PLCB3: variants seen among roughly 807,000 people sequenced by gnomAD.
The protein encoded by PLCB3 is phospholipase C beta 3.
Under a neutral mutation model 152.1 loss-of-function variants are expected in PLCB3, and 54 were observed. That is an observed-to-expected ratio of 0.36 (90% CI 0.29 to 0.45). The LOEUF is 0.45. Among genes scored for constraint, PLCB3 ranks in the 20% least tolerant of loss-of-function variants. The pLI is 1.00. For synonymous variants in PLCB3, 717 were observed against 698.7 expected, an observed-to-expected ratio of 1.03 and a Z score of -0.41; for missense variants, 1,248 against 1,687.5, an observed-to-expected ratio of 0.74 and a Z score of 4.56.
rs2031648497 is a variant in PLCB3 at position 64,258,320 on chromosome 11, C to CAGGGG, written c.1013-151_1013-150insGGGAG. Among the ~76,000 whole-genome samples, 2 of 152,110 alleles carry CAGGGG rather than the reference C, an allele frequency of 1.3e-5. No individual in the cohort carries two copies. On this transcript the variant is annotated intron_variant, in intron 10 of 30. Coordinates refer to ENST00000279230, the MANE Select transcript of PLCB3 (RefSeq NM_000932.5). This position sits in a 1 kb window ranked among gnomAD's most constrained non-coding sequence, Gnocchi z 7.2. ...AGTGAGTCTCAGGGATGACTCCCCCCAGCTCACGCTGGTGGGATGGACAGG... is the reference window on the plus strand; with the variant it reads ...AGTGAGTCTCAGGGATGACTCCCCCCAGGGGAGCTCACGCTGGTGGGATGGACAGG...
Position 64,260,225 on chromosome 11 carries a change from T to C in PLCB3, c.1722T>C (p.Thr574=). 2 of 1,562,142 alleles carry C rather than the reference T, an allele frequency of 1.3e-6. No individual in the cohort carries two copies. The highest frequency in any genetic ancestry group is 1.4e-5 in the African/African-American group (1 of 73,504). ...AACAGACAGACCCCAAAAAGCCAAC[T>C]ACAGATGAGGTCAGGCCCACAGGGT... is the stretch of plus-strand genomic sequence containing the variant. ...EEEQTDPKKP[T]TDEGTASSEV... The change falls in exon 14 of 31, where the codon ACT becomes ACC. Residue 574 remains threonine (T), a synonymous_variant. Coordinates refer to ENST00000279230, the MANE Select transcript of PLCB3 (RefSeq NM_000932.5).
chr11:64,263,673 G>A lies in PLCB3; in HGVS notation c.2456-18G>A, dbSNP rs777638252. The stretch of plus-strand genomic sequence containing the variant: ...CCACCTGGCCCAGCAACCCAACGTT[G>A]CCTTCCTGACCACCCAGGATACCAC... On this transcript the variant is annotated intron_variant, in intron 20 of 30. Transcript: ENST00000279230. 5 of 1,611,756 alleles carry A rather than the reference G, an allele frequency of 3.1e-6. No homozygotes were observed. In the South Asian group the frequency reaches 4.4e-5, roughly 14 times the overall value.
In PLCB3 at chr11:64,266,822, CAG is replaced by C. The variant is rs2032146318; in HGVS notation, c.3414+273_3414+274del. Among the ~76,000 whole-genome samples the C allele has an allele frequency of 6.6e-6, 1 of 151,598 alleles. No homozygotes were observed. The highest frequency in any genetic ancestry group is 2.4e-5 in the African/African-American group (1 of 41,230). On this transcript the variant is annotated intron_variant, in intron 29 of 30. Transcript: ENST00000279230. This position sits in a 1 kb window ranked among gnomAD's most constrained non-coding sequence, Gnocchi z 4.9. ...CCACCTGACTTCTTTTTCTTTGAGACAGAGTCTCACTCTGTCGCCCAGGCTGG... is the reference window on the plus strand; with the variant it reads ...CCACCTGACTTCTTTTTCTTTGAGACAGTCTCACTCTGTCGCCCAGGCTGG...
Position 64,267,590 on chromosome 11 carries a change from G to GCCCT in PLCB3, c.*34_*35insCCCT. On this transcript the variant is annotated 3_prime_UTR_variant, in exon 31 of 31. Transcript: ENST00000279230. The surrounding 1 kb of genome is among the most constrained non-coding windows in gnomAD (Gnocchi z 5.2). The stretch of plus-strand genomic sequence containing the variant: ...AGCGAGGTGGCCACAGGGCCAGGGC[G>GCCCT]GGCGCTGGGTGGAGGGCAGGAGGCA... 6.7e-7 allele frequency: 1 copy of GCCCT among 1,498,322 alleles called. No homozygotes were observed. The highest frequency in any genetic ancestry group is 9.0e-7 in the Non-Finnish European group (1 of 1,110,176). 92.8% of individuals were successfully genotyped at this position (1,498,322 alleles called of 1,614,324 possible). A position where few individuals can be genotyped will look rare whatever the true frequency, so the allele number is the denominator to read the frequency against.
At chr11:64,257,745 A>G (rs1242488933) in intron 10 of PLCB3, among the ~76,000 whole-genome samples, 3 of 152,124 alleles carry the variant, frequency 2.0e-5, no homozygotes, top group Non-Finnish European at 4.4e-5. Context: ...AGGGGCCTAG[A>G]GGCACTTGGA....
chr11:64,255,215 G>T lies in PLCB3; in HGVS notation c.388-19G>T, dbSNP rs111998921. 6.2e-6 allele frequency: 10 copies of T among 1,604,800 alleles called. No homozygotes were observed. The highest frequency in any genetic ancestry group is 8.5e-6 in the Non-Finnish European group (10 of 1,172,456). On this transcript the variant is annotated intron_variant, in intron 4 of 30. Transcript: ENST00000279230. The surrounding 1 kb of genome is among the most constrained non-coding windows in gnomAD (Gnocchi z 6.8). ...TGTGTCCCCCACTCACCGCCTCCCC[G>T]TGTATACTGGCCCCCCAGGTCTGGT... is the stretch of plus-strand genomic sequence containing the variant.
rs28395882 is a variant in PLCB3 at position 64,259,213 on chromosome 11, C to T, written c.1494C>T (p.Ser498=). 449,376 of 1,561,828 alleles carry T rather than the reference C, an allele frequency of 0.29. 69,154 individuals are homozygous for T. Among genetic ancestry groups the T allele is most frequent in the Middle Eastern group, 0.32 (1,589 of 5,010 alleles). ...EQSNSALSES[S]AATEPSSPQL... Reference sequence around the variant, plus strand: ...GCAATTCTGCCCTGAGCGAGAGCTCCGCGGCCACCGAGCCCTCCTCCCCGC... The same window carrying T: ...GCAATTCTGCCCTGAGCGAGAGCTCTGCGGCCACCGAGCCCTCCTCCCCGC... The change falls in exon 13 of 31, where the codon TCC becomes TCT. Residue 498 remains serine, a synonymous_variant. Transcript: ENST00000279230.
chr11:64,264,276 G>T (rs1235110895), intron 22 of PLCB3, among the ~76,000 whole-genome samples, 164 bp downstream of exon 22: 1 of 152,204 alleles, frequency 6.6e-6, no homozygotes, highest in East Asian at 1.9e-4. Flanking sequence ...CATTCAGGAG[G>T]CCTTCAGGTC....
In PLCB3 at chr11:64,265,078, C is replaced by T. The variant is rs774500063; in HGVS notation, c.2780C>T (p.Pro927Leu). ...PRRPPGPTTS[P>L]ASTSLSSPGQ... ...CGGCCCCCTGGCCCCACCACCTCCC[C>T]TGCCAGCACCTCCCTCAGCAGCCCA... is the stretch of plus-strand genomic sequence containing the variant. Residue 927 changes from proline (P) to leucine (L), a missense_variant, in exon 23 of 31, where the codon CCT (proline) becomes CTT (leucine). Pro to Leu is a moderately conservative substitution (Grantham distance 98, BLOSUM62 -3). Around this residue, in one of 6 missense-constraint regions of PLCB3, gnomAD observed 477 missense variants for 489.6 expected, o/e 0.97. Coordinates refer to ENST00000279230, the MANE Select transcript of PLCB3 (RefSeq NM_000932.5). 1 of 1,545,474 alleles carries T rather than the reference C, an allele frequency of 6.5e-7. No homozygotes were observed. Among genetic ancestry groups the T allele is most frequent in the South Asian group, 1.2e-5 (1 of 83,932 alleles).
chr11:64,268,311 T>C (rs2032237795), downstream of PLCB3, among the ~76,000 whole-genome samples: 1 of 152,170 alleles, frequency 6.6e-6, no homozygotes, highest in Non-Finnish European at 1.5e-5. Flanking sequence ...TATCAGGTGA[T>C]GGATCGGCCA....
Position 64,264,065 on chromosome 11 carries a change from A to G in PLCB3, c.2605A>G (p.Met869Val). 6.4e-7 allele frequency: 1 copy of G among 1,564,116 alleles called. No homozygotes were observed. The highest frequency in any genetic ancestry group is 8.6e-7 in the Non-Finnish European group (1 of 1,156,488). ...CAACCCCATTAAGCACGTCAGCCTG[A>G]TGGACCAGAGGGCCCGGCAGCTGGC... ...LINPIKHVSL[M>V]DQRARQLAAL... Residue 869 changes from methionine to valine, a missense_variant, in exon 22 of 31, where the codon ATG becomes GTG. By Grantham distance (21) the Met-to-Val change is conservative. Around this residue, in one of 6 missense-constraint regions of PLCB3, gnomAD observed 244 missense variants for 424.4 expected, o/e 0.57. Coordinates refer to ENST00000279230, the MANE Select transcript of PLCB3 (RefSeq NM_000932.5).
chr11:64,262,265 C>T, intron 17 of PLCB3, 142 bp from the exon 18 acceptor site: 4 of 1,288,100 alleles, frequency 3.1e-6, no homozygotes, highest in Non-Finnish European at 4.4e-6. Context: ...TCTGATCTGT[C>T]CTGGATCCGG....
chr11:64,254,772 T>A lies in PLCB3; in HGVS notation c.202T>A (p.Ser68Thr), dbSNP rs1555060410. The A allele has an allele frequency of 6.2e-7, 1 of 1,613,380 alleles. No individual in the cohort carries two copies. The change falls in exon 3 of 31, where the codon TCC (serine) becomes ACC (threonine). Residue 68 changes from serine to threonine, a missense_variant. By Grantham distance (58) the Ser-to-Thr change is moderately conservative. Coordinates refer to ENST00000279230, the MANE Select transcript of PLCB3 (RefSeq NM_000932.5). ...GGAGGTGGACACACTGGACATCAGT[T>A]CCATCAGGGACACACGGACAGGCCG... The part of the protein sequence containing the change: ...NMEVDTLDIS[S>T]IRDTRTGRYA...
rs1323802319 is a variant in PLCB3 at position 64,266,712 on chromosome 11, A to G, written c.3414+160A>G. Among the ~76,000 whole-genome samples the G allele has an allele frequency of 6.6e-6, 1 of 152,086 alleles. No individual in the cohort carries two copies. Among genetic ancestry groups the G allele is most frequent in the Non-Finnish European group, 1.5e-5 (1 of 68,000 alleles). On this transcript the variant is annotated intron_variant, in intron 29 of 30. Transcript: ENST00000279230. This position sits in a 1 kb window ranked among gnomAD's most constrained non-coding sequence, Gnocchi z 4.9. ...GGGTACCCACATCATACCCAAAGCC[A>G]ACTGTCTGTACCAGTGTCCCTGGCT...
rs748035465 is a variant in PLCB3 at position 64,263,587 on chromosome 11, C to T, written c.2445C>T (p.Ala815=). Residue 815 remains alanine (A), a synonymous_variant, in exon 20 of 31, where the codon GCC becomes GCT. Transcript: ENST00000279230. ...FVGHRILPVS[A]IRSGYHYVCL... is the part of the protein sequence containing the mutation. ...GGCACCGGATCCTGCCTGTCTCTGC[C>T]ATCCGCTCCGGTGAGGCCTTGGTGG... 5.0e-6 allele frequency: 8 copies of T among 1,611,712 alleles called. No individual in the cohort carries two copies. The East Asian group carries it at 1.6e-4, about 31-fold the overall frequency.
chr11:64,254,830 C>T lies in PLCB3; in HGVS notation c.246+14C>T. On this transcript the variant is annotated intron_variant, in intron 3 of 30. Coordinates refer to ENST00000279230, the MANE Select transcript of PLCB3 (RefSeq NM_000932.5). ...CGCCTGCCCAAGGTGAGTGATGAGC[C>T]TGGGAGTGAAGACCACAGCGAGGCT... 1.9e-6 allele frequency: 3 copies of T among 1,613,872 alleles called. No homozygotes were observed. The highest frequency in any genetic ancestry group is 2.5e-6 in the Non-Finnish European group (3 of 1,179,964).
rs775147918 is a variant in PLCB3 at position 64,260,097 on chromosome 11, C to G, written c.1594C>G (p.Leu532Val). 1.2e-6 allele frequency: 2 copies of G among 1,612,310 alleles called. No individual in the cohort carries two copies. The highest frequency in any genetic ancestry group is 1.7e-6 in the Non-Finnish European group (2 of 1,179,428). ...GEEVGLEKPS[L>V]EPQKSLGDEG... ...GGAGGTAGGGCTTGAGAAGCCCAGC[C>G]TGGAGCCTCAGAAGTCTCTGGGTGA... The change falls in exon 14 of 31, where the codon CTG (leucine) becomes GTG (valine). Residue 532 changes from leucine to valine, a missense_variant. Transcript: ENST00000279230.
Position 64,252,456 on chromosome 11 carries a change from C to T in PLCB3, c.99+708C>T, listed in dbSNP as rs564159523. Among the ~76,000 whole-genome samples the T allele has an allele frequency of 1.6e-4, 24 of 152,316 alleles. 1 individual carries two copies. In the South Asian group the frequency reaches 5.0e-3, roughly 32 times the overall value. The stretch of plus-strand genomic sequence containing the variant: ...TCCCAAATGCCTGTGTCCCCACCTT[C>T]GGCTGCCCATCCCCATCCTGGGTGC... On this transcript the variant is annotated intron_variant, in intron 1 of 30. Transcript: ENST00000279230.
rs1281740268 is a variant in PLCB3, at chr11:64,267,140, C to G, written c.3415-45C>G. 6.6e-7 allele frequency: 1 copy of G among 1,518,698 alleles called. No individual in the cohort carries two copies. Among genetic ancestry groups the G allele is most frequent in the Non-Finnish European group, 8.9e-7 (1 of 1,119,504 alleles). 94.1% of individuals were successfully genotyped at this position (1,518,698 alleles called of 1,614,324 possible). On this transcript the variant is annotated intron_variant, in intron 29 of 30. Transcript: ENST00000279230. This position sits in a 1 kb window ranked among gnomAD's most constrained non-coding sequence, Gnocchi z 5.2. ...CCAGCCAGAGCCTCGAGGCTCTAGC[C>G]CCTCCCTCAGGGCCCCTCAGCTGAG...
Sources: allele counts gnomAD v4.1 joint callset (sites outside exome capture counted in the v4.1 genomes callset), GRCh38; gene constraint gnomAD v4.1.1; regional missense constraint gnomAD v4.1.1; non-coding constraint Gnocchi (gnomAD v3.1); transcripts MANE v1.5; gene names NCBI Gene and HGNC (gene_info 2026-07-23, HGNC 2026-07-21).